The following BNC1 variants were observed in gnomAD, a reference collection of about 807,000 sequenced individuals.
The protein encoded by BNC1 is zinc finger protein basonuclin-1.
BNC1 carries 8 observed loss-of-function variants against 66.5 expected under a neutral mutation model. The observed-to-expected ratio is 0.12, with a 90% CI of 0.07 to 0.22. The LOEUF is 0.22. Among genes scored for constraint, BNC1 ranks in the 10% least tolerant of loss-of-function variants. The pLI is 1.00. For missense variants in BNC1, 1,069 were observed against 1,241.3 expected, an observed-to-expected ratio of 0.86 and a Z score of 2.09; for synonymous variants, 454 against 452.6, an observed-to-expected ratio of 1.00 and a Z score of -0.04.
chr15:83,257,545 G>A lies in BNC1; in HGVS notation c.2882C>T (p.Pro961Leu). ...HLRQLHKCKV[P>L]GCNTMFSSVR... ...AGACGAAAACATGGTGTTGCAGCCT[G>A]GTACTTTGCATTTGTGGAGCTGCCG... The change falls in exon 5 of 5, where the codon CCA becomes CTA. Residue 961 changes from proline (P) to leucine (L), a missense_variant. Pro to Leu is a moderately conservative substitution (Grantham distance 98). Transcript: ENST00000345382. 1 of 1,614,124 alleles carries A rather than the reference G, an allele frequency of 6.2e-7. No individual in the cohort carries two copies.
chr15:83,284,223 G>A (rs949053922), intron 1 of BNC1, among the ~76,000 whole-genome samples: 2 of 152,018 alleles, frequency 1.3e-5, no homozygotes, highest in Non-Finnish European at 2.9e-5. Context: ...GAGTGCCGCC[G>A]CCGATTTCCA....
chr15:83,275,500 A>AG (rs2151439236), intron 1 of BNC1, among the ~76,000 whole-genome samples: 1 of 152,068 alleles, frequency 6.6e-6, no homozygotes, highest in Non-Finnish European at 1.5e-5. Context: ...TCAAAAAAAA[A>AG]AAAAAAAAAC....
rs2038083480 is a variant in BNC1 at position 83,257,235 on chromosome 15, TAAGAAA to T, written c.*201_*206del. The T allele has an allele frequency of 1.6e-6, 1 of 617,414 alleles. No individual in the cohort carries two copies. Among genetic ancestry groups the T allele is most frequent in the Non-Finnish European group, 2.8e-6 (1 of 361,250 alleles). 38.2% of individuals were successfully genotyped at this position (617,414 alleles called of 1,614,324 possible). On this transcript the variant is annotated 3_prime_UTR_variant, in exon 5 of 5. Transcript: ENST00000345382. The stretch of plus-strand genomic sequence containing the variant: ...TGTATCAGTGAAAGACCTCTTGGGC[TAAGAAA>T]AATAATAGGAAGGGCTGCCCCAGTG...
At chr15:83,283,592 G>A (rs1341685901) in intron 1 of BNC1, 1 of 858,670 alleles carries the variant, frequency 1.2e-6, no homozygotes, top group East Asian at 1.2e-4. Flanking sequence ...CCTGAAGGAA[G>A]CGGCAGGCGC....
At position 83,263,415 on chromosome 15, in the gene BNC1, T is replaced by C; in HGVS notation, c.1836A>G (p.Glu612=). ...FPEGERPCHR[E]SVIESSGAIS... is the part of the protein sequence containing the mutation. ...TGGCTCCACTGGACTCAATTACTGA[T>C]TCACGATGGCAGGGCCTCTCCCCTT... The change falls in exon 4 of 5, where the codon GAA becomes GAG. Residue 612 remains glutamate, a synonymous_variant. Transcript: ENST00000345382. The C allele has an allele frequency of 1.2e-6, 2 of 1,614,206 alleles. No homozygotes were observed. Among genetic ancestry groups the C allele is most frequent in the African/African-American group, 1.3e-5 (1 of 75,054 alleles).
chr15:83,262,704 A>G (rs1177932982), intron 4 of BNC1, among the ~76,000 whole-genome samples: 1 of 152,146 alleles, frequency 6.6e-6, no homozygotes, highest in Non-Finnish European at 1.5e-5. Flanking sequence ...GTATTCATGA[A>G]TGTTGAAATA....
In BNC1 at chr15:83,255,961, T is replaced by G. The variant is rs1473268042; in HGVS notation, c.*1481A>C. On this transcript the variant is annotated 3_prime_UTR_variant, in exon 5 of 5. Transcript: ENST00000345382. ...ACATTTGTATACAAATCTTTTCACTTTGGGAAGACTGGAATATTAAACAGC... is the reference window on the plus strand; with the variant it reads ...ACATTTGTATACAAATCTTTTCACTGTGGGAAGACTGGAATATTAAACAGC... 6.6e-6 allele frequency: 1 copy of G among 152,670 alleles called. No homozygotes were observed. The highest frequency in any genetic ancestry group is 2.4e-5 in the African/African-American group (1 of 41,472). 9.5% of individuals were successfully genotyped at this position (152,670 alleles called of 1,614,324 possible). A position where few individuals can be genotyped will look rare whatever the true frequency, so the allele number is the denominator to read the frequency against.
intron 1 of BNC1, among the ~76,000 whole-genome samples, chr15:83,277,105 G>C (rs971086254): frequency 3.9e-5 from 6 of 152,062 alleles, no homozygotes; most frequent in Non-Finnish European, 7.4e-5. Context: ...TTTGAGACAG[G>C]GTCTTGTTCT....
chr15:83,267,548 T>C (rs184304894), intron 2 of BNC1, among the ~76,000 whole-genome samples: 3 of 152,304 alleles, frequency 2.0e-5, no homozygotes, highest in East Asian at 1.9e-4. Context: ...CAGTCACATA[T>C]GGCTATTTAC....
chr15:83,282,258 C>T (rs977869453), intron 1 of BNC1, among the ~76,000 whole-genome samples: 2 of 152,330 alleles, frequency 1.3e-5, no homozygotes, highest in African/African-American at 2.4e-5. Context: ...AACAGGAACA[C>T]GTTCAACCAA....
chr15:83,280,079 ATAATT>A (rs2038363148), intron 1 of BNC1, among the ~76,000 whole-genome samples: 1 of 152,218 alleles, frequency 6.6e-6, no homozygotes, highest in African/African-American at 2.4e-5. Flanking sequence ...GTGTGCCAAA[ATAATT>A]TAATGTCTGT....
chr15:83,279,903 G>A (rs2038361353), intron 1 of BNC1, among the ~76,000 whole-genome samples: 1 of 152,206 alleles, frequency 6.6e-6, no homozygotes, highest in Non-Finnish European at 1.5e-5. Flanking sequence ...AGAAAGGGCA[G>A]GTGGGAGGTA....
In BNC1 at chr15:83,268,122, A is replaced by G. The variant is rs754702339; in HGVS notation, c.199+11T>C. The G allele has an allele frequency of 2.5e-6, 4 of 1,611,764 alleles. No homozygotes were observed. In the East Asian group the frequency reaches 8.9e-5, roughly 36 times the overall value. On this transcript the variant is annotated intron_variant, in intron 2 of 4. Transcript: ENST00000345382. ...CACTACAGGCCAAGAGAGGGTGAAAAATAAAGTTACCGTGGGCCACCCATC... is the reference window on the plus strand; with the variant it reads ...CACTACAGGCCAAGAGAGGGTGAAAGATAAAGTTACCGTGGGCCACCCATC...
At chr15:83,273,855 T>C (rs79283830) in intron 1 of BNC1, among the ~76,000 whole-genome samples, 2 of 152,322 alleles carry the variant, frequency 1.3e-5, no homozygotes, top group East Asian at 3.9e-4. Flanking sequence ...GGTATATACA[T>C]AGATATTCAG....
chr15:83,262,878 C>CG, intron 4 of BNC1, 73 bp downstream of exon 4: 1 of 1,409,616 alleles, frequency 7.1e-7, no homozygotes, highest in South Asian at 1.4e-5. Context: ...AACAATTCTC[C>CG]GGGTGATTCT....
chr15:83,278,399 G>A (rs993094885), intron 1 of BNC1, among the ~76,000 whole-genome samples: 1 of 152,174 alleles, frequency 6.6e-6, no homozygotes, highest in East Asian at 1.9e-4. Context: ...CACACAACTG[G>A]GTTGGTCAAA....
At chr15:83,273,114 A>T (rs1292207366) in intron 1 of BNC1, among the ~76,000 whole-genome samples, 1 of 152,206 alleles carries the variant, frequency 6.6e-6, no homozygotes, top group African/African-American at 2.4e-5. Context: ...CTTTATGAGA[A>T]ATATTCTTGT....
chr15:83,273,928 C>A (rs1019671747), intron 1 of BNC1, among the ~76,000 whole-genome samples: 5 of 152,092 alleles, frequency 3.3e-5, no homozygotes, highest in Admixed American at 1.3e-4. Flanking sequence ...CTGTTTAGTT[C>A]AAGGCTGTTT....
Position 83,284,515 on chromosome 15 carries a change from G to C in BNC1, c.99+15C>G, listed in dbSNP as rs1283926921. On this transcript the variant is annotated intron_variant, in intron 1 of 4. Transcript: ENST00000345382. ...CACAGAGAATCCCCGCGCCCGCGGA[G>C]GGCGCCGCGCTTACCTCGGCCATCC... 8.3e-7 allele frequency: 1 copy of C among 1,200,168 alleles called. No homozygotes were observed. The highest frequency in any genetic ancestry group is 1.9e-5 in the South Asian group (1 of 52,662). 74.3% of individuals were successfully genotyped at this position (1,200,168 alleles called of 1,614,324 possible). A position where few individuals can be genotyped will look rare whatever the true frequency, so the allele number is the denominator to read the frequency against.
Sources: gnomAD v4.1 joint callset for allele counts (sites outside exome capture counted in the v4.1 genomes callset) on GRCh38, gnomAD v4.1.1 for gene constraint, MANE v1.5 for transcripts, NCBI Gene and HGNC (gene_info 2026-07-23, HGNC 2026-07-21) for gene names.